The following TNS1 variants were observed in gnomAD, a reference collection of about 807,000 sequenced individuals.
TNS1 encodes the protein tensin-1.
Under a neutral mutation model 168.6 loss-of-function variants are expected in TNS1, and 62 were observed. The observed-to-expected ratio is 0.37, with a 90% CI of 0.30 to 0.45. TNS1 has a LOEUF of 0.45. Among genes scored for constraint, TNS1 ranks in the 20% least tolerant of loss-of-function variants. TNS1 has a pLI of 1.00. For missense variants in TNS1, 2,240 were observed against 2,339.4 expected (o/e 0.96, Z 0.88); for synonymous variants, 934 against 933.2 (o/e 1.00, Z -0.02).
chr2:217,812,796 G>A (rs536622351), intron 27 of TNS1, among the ~76,000 whole-genome samples: 4 of 152,306 alleles, frequency 2.6e-5, no homozygotes, highest in African/African-American at 9.6e-5. Context: ...TCACCTGTTG[G>A]TTCTCAGGTA....
At chr2:217,869,751 G>A (rs1167627206) in intron 18 of TNS1, among the ~76,000 whole-genome samples, 2 of 152,206 alleles carry the variant, frequency 1.3e-5, no homozygotes, top group African/African-American at 2.4e-5. Context: ...GAGAAAAGAG[G>A]CCCCTGAACC....
At chr2:217,900,337 C>T (rs1952816096) in intron 7 of TNS1, 126 bp downstream of exon 7, 1 of 1,097,956 alleles carries the variant, frequency 9.1e-7, no homozygotes, top group Non-Finnish European at 1.3e-6. Flanking sequence ...TTCACGTTTG[C>T]CCACACTCCC....
intron 28 of TNS1, 98 bp from the exon 29 acceptor site, chr2:217,810,417 G>A: frequency 8.4e-7 from 1 of 1,196,616 alleles, no homozygotes; most frequent in Non-Finnish European, 1.2e-6. Flanking sequence ...TTGGCAGAAG[G>A]AACGCTGCTT....
intron 11 of TNS1, 22 bp downstream of exon 11, chr2:217,892,926 G>A (rs757221251): frequency 1.9e-6 from 3 of 1,613,544 alleles, no homozygotes; most frequent in Non-Finnish European, 2.5e-6. Context: ...TCAGAGGATG[G>A]GAGGCTCCAG....
intron 18 of TNS1, among the ~76,000 whole-genome samples, chr2:217,857,571 T>C (rs1040475544): frequency 3.9e-5 from 6 of 152,190 alleles, no homozygotes; most frequent in African/African-American, 7.2e-5. Flanking sequence ...CCCGTGGCAA[T>C]TGTCCCAGGT....
intron 18 of TNS1, among the ~76,000 whole-genome samples, chr2:217,877,324 G>A (rs977456325): frequency 2.0e-5 from 3 of 152,198 alleles, no homozygotes; most frequent in Non-Finnish European, 2.9e-5. Context: ...TATGGGTTCC[G>A]GGGTGCTGTT....
At chr2:217,815,066 C>T (rs1941672530) in intron 24 of TNS1, 68 bp from the exon 25 acceptor site, 4 of 1,314,038 alleles carry the variant, frequency 3.0e-6, no homozygotes, top group Non-Finnish European at 3.2e-6. Context: ...ACATCAAAGT[C>T]CTGGCCCCCA....
At chr2:218,015,592 T>A (rs956577015) in intron 1 of TNS1, among the ~76,000 whole-genome samples, 1 of 152,144 alleles carries the variant, frequency 6.6e-6, no homozygotes, top group African/African-American at 2.4e-5. Flanking sequence ...TTCTGCACAA[T>A]GAATGCCTTC....
intron 4 of TNS1, among the ~76,000 whole-genome samples, chr2:217,916,446 G>A (rs974332047): frequency 2.0e-5 from 3 of 152,142 alleles, no homozygotes; most frequent in Non-Finnish European, 4.4e-5. Flanking sequence ...CCTGACATCC[G>A]CCGACCTTGG....
intron 3 of TNS1, chr2:217,937,237 A>C: frequency 2.8e-6 from 1 of 354,130 alleles, no homozygotes; most frequent in Non-Finnish European, 5.6e-6. Context: ...CCAGCCTCAT[A>C]CCCAGCACCT....
intron 3 of TNS1, among the ~76,000 whole-genome samples, chr2:217,935,491 T>C (rs1011759138): frequency 9.4e-4 from 143 of 152,180 alleles, no homozygotes; most frequent in African/African-American, 3.3e-3. Flanking sequence ...CAGCCTGGAA[T>C]CCAGACCTGA....
intron 32 of TNS1, among the ~76,000 whole-genome samples, chr2:217,806,241 G>A (rs1433641060): frequency 1.3e-5 from 2 of 152,252 alleles, no homozygotes; most frequent in Non-Finnish European, 2.9e-5. Context: ...CCTGTCATCT[G>A]CCACAAGGAA....
At chr2:218,020,000 G>T (rs1958793796) in intron 1 of TNS1, among the ~76,000 whole-genome samples, 1 of 152,118 alleles carries the variant, frequency 6.6e-6, no homozygotes, top group African/African-American at 2.4e-5. Context: ...GCCAAGCCCA[G>T]AAATGTGAAG....
chr2:217,893,639 C>T (rs911190114), intron 9 of TNS1, 78 bp from the exon 10 acceptor site: 26 of 1,516,804 alleles, frequency 1.7e-5, no homozygotes, highest in Non-Finnish European at 2.0e-5. Flanking sequence ...ACCTACGCCA[C>T]GTGCCAGTAC....
chr2:217,856,389 C>T (rs1948140844), intron 18 of TNS1, among the ~76,000 whole-genome samples: 2 of 152,148 alleles, frequency 1.3e-5, no homozygotes. Context: ...TCCTGGGGCT[C>T]AGTCTGTGAC....
intron 1 of TNS1, among the ~76,000 whole-genome samples, chr2:218,023,852 T>A (rs1164611364): frequency 6.6e-6 from 1 of 152,040 alleles, no homozygotes; most frequent in Non-Finnish European, 1.5e-5. Context: ...TTACTCCCAA[T>A]GCCAGAATCC....
Position 217,841,242 on chromosome 2 carries a change from G to A in TNS1, c.3008-5031C>T, listed in dbSNP as rs943654887. Reference sequence around the variant, plus strand: ...GGAGCCGGTGGAGAGGAGGGGGCGGGAAGCTGCCACTGTGTCCGATGCCCT... The same window carrying A: ...GGAGCCGGTGGAGAGGAGGGGGCGGAAAGCTGCCACTGTGTCCGATGCCCT... On this transcript the variant is annotated intron_variant, in intron 19 of 32. Coordinates refer to ENST00000682258, the MANE Select transcript of TNS1 (RefSeq NM_001387777.1). 517 of 984,898 alleles carry A rather than the reference G, an allele frequency of 5.2e-4. 2 individuals are homozygous for A. The highest frequency in any genetic ancestry group is 2.1e-3 in the Middle Eastern group (4 of 1,914). The allele number at this position is 984,898 out of a possible 1,614,324, so 61.0% of individuals were successfully genotyped here.
intron 19 of TNS1, among the ~76,000 whole-genome samples, chr2:217,844,230 C>T (rs990312314): frequency 6.6e-6 from 1 of 152,138 alleles, no homozygotes; most frequent in Admixed American, 6.5e-5. Flanking sequence ...AATCCAGCCC[C>T]GCACCACTTA....
chr2:217,859,275 T>C (rs1161302136), intron 18 of TNS1: 7 of 259,586 alleles, frequency 2.7e-5, no homozygotes, highest in Non-Finnish European at 5.1e-5. Context: ...ACATTTTTTT[T>C]CCATTCTCAG....
Sources: gnomAD v4.1 joint callset for allele counts (sites outside exome capture counted in the v4.1 genomes callset) on GRCh38, gnomAD v4.1.1 for gene constraint, MANE v1.5 for transcripts, NCBI Gene and HGNC (gene_info 2026-07-23, HGNC 2026-07-21) for gene names.